CSGALNACT1: variants seen among roughly 807,000 people sequenced by gnomAD.
CSGALNACT1 encodes beta4GalNAcT-1.
A neutral mutation model predicts 51.0 loss-of-function variants in CSGALNACT1; 52 were observed. The observed-to-expected ratio is 1.02, with a 90% CI of 0.82 to 1.29. CSGALNACT1 has a LOEUF of 1.29. Among genes scored for constraint, CSGALNACT1 ranks in the 50% most tolerant of loss-of-function variants. CSGALNACT1 has a pLI of 0.00. For missense variants in CSGALNACT1, 935 were observed against 679.2 expected (o/e 1.38, Z -4.19); for synonymous variants, 341 against 254.4 (o/e 1.34, Z -3.24).
chr8:19,674,566 G>A (rs570888185), intron 1 of CSGALNACT1, among the ~76,000 whole-genome samples: 124 of 152,274 alleles, frequency 8.1e-4, no homozygotes, highest in African/African-American at 2.8e-3. Context: ...GGGCAATGGG[G>A]AGAGATGACC....
intron 3 of CSGALNACT1, among the ~76,000 whole-genome samples, chr8:19,569,575 G>T (rs973235090): frequency 6.6e-6 from 1 of 152,032 alleles, no homozygotes; most frequent in Non-Finnish European, 1.5e-5. Flanking sequence ...TTACGAGTTG[G>T]TTGTTGACAA....
chr8:19,711,955 C>G (rs2062532608), intron 1 of CSGALNACT1, among the ~76,000 whole-genome samples: 1 of 152,166 alleles, frequency 6.6e-6, no homozygotes, highest in Admixed American at 6.5e-5. Flanking sequence ...ACCCATTGGA[C>G]AGATGTGGAA....
At chr8:19,584,871 A>C (rs114379816) in intron 3 of CSGALNACT1, among the ~76,000 whole-genome samples, 2 of 152,162 alleles carry the variant, frequency 1.3e-5, no homozygotes, top group Non-Finnish European at 2.9e-5. Flanking sequence ...AGATACTCTG[A>C]AGCAAGGGAT....
chr8:19,678,527 CT>C (rs1197309658), intron 1 of CSGALNACT1: 1 of 152,142 alleles, frequency 6.6e-6, no homozygotes, highest in Non-Finnish European at 1.5e-5. Context: ...TGTAAATAGG[CT>C]CCAGGAATGT....
At chr8:19,574,194 C>T (rs943382600) in intron 3 of CSGALNACT1, among the ~76,000 whole-genome samples, 1 of 152,078 alleles carries the variant, frequency 6.6e-6, no homozygotes, top group African/African-American at 2.4e-5. Flanking sequence ...ATTACAGGCA[C>T]AAGCCACTGC....
chr8:19,464,709 G>A (rs75091825), intron 4 of CSGALNACT1, among the ~76,000 whole-genome samples: 4,577 of 152,152 alleles, frequency 0.03, 256 homozygotes, highest in African/African-American at 0.1. Flanking sequence ...TAGGGCGTAT[G>A]CTCCTTATGA....
chr8:19,420,299 G>C, intron 7 of CSGALNACT1, 41 bp downstream of exon 6: 1 of 1,601,856 alleles, frequency 6.2e-7, no homozygotes, highest in Non-Finnish European at 8.6e-7. Context: ...GGCCCGAGAG[G>C]GCTGGGGGCC....
At chr8:19,594,983 G>A (rs1207586587) in intron 2 of CSGALNACT1, among the ~76,000 whole-genome samples, 2 of 152,158 alleles carry the variant, frequency 1.3e-5, no homozygotes, top group African/African-American at 2.4e-5. Flanking sequence ...GATGATAGAA[G>A]TAGCCCTGTC....
intron 4 of CSGALNACT1, among the ~76,000 whole-genome samples, chr8:19,473,030 G>A (rs993039955): frequency 6.6e-6 from 1 of 152,138 alleles, no homozygotes; most frequent in Admixed American, 6.5e-5. Flanking sequence ...ATGTATTACT[G>A]CTCTCAGTCA....
intron 4 of CSGALNACT1, among the ~76,000 whole-genome samples, chr8:19,463,781 G>A (rs936977380): frequency 6.6e-6 from 1 of 152,088 alleles, no homozygotes; most frequent in Non-Finnish European, 1.5e-5. Flanking sequence ...TTTGAGTTTG[G>A]TGTAATTACT....
At chr8:19,638,588 T>A (rs1443516055) in intron 1 of CSGALNACT1, among the ~76,000 whole-genome samples, 1 of 152,158 alleles carries the variant, frequency 6.6e-6, no homozygotes, top group African/African-American at 2.4e-5. Flanking sequence ...ATATTTAAAA[T>A]GTATTATAAT....
chr8:19,543,155 C>A (rs2085638871), intron 3 of CSGALNACT1, among the ~76,000 whole-genome samples: 1 of 152,140 alleles, frequency 6.6e-6, no homozygotes, highest in Non-Finnish European at 1.5e-5. Flanking sequence ...TATACAGAAT[C>A]CCCAGATACT....
intron 2 of CSGALNACT1, among the ~76,000 whole-genome samples, chr8:19,595,846 A>C (rs1408971644): frequency 7.1e-6 from 1 of 141,564 alleles, no homozygotes; most frequent in African/African-American, 2.6e-5. Context: ...TCCCTTTCTC[A>C]TTTTCAGTTA....
intron 1 of CSGALNACT1, among the ~76,000 whole-genome samples, chr8:19,618,548 G>A (rs1354418604): frequency 7.0e-6 from 1 of 141,906 alleles, no homozygotes; most frequent in Non-Finnish European, 1.5e-5. Flanking sequence ...AGTGAGGCAG[G>A]AGAATCGTTT....
chr8:19,560,809 T>G (rs997197031), intron 3 of CSGALNACT1, among the ~76,000 whole-genome samples: 2 of 152,180 alleles, frequency 1.3e-5, no homozygotes, highest in African/African-American at 4.8e-5. Flanking sequence ...TCTGGGTTGA[T>G]AGAGAAAGGC....
intron 5 of CSGALNACT1, chr8:19,457,823 A>C (rs577734246): frequency 1.5e-6 from 2 of 1,350,612 alleles, no homozygotes; most frequent in Non-Finnish European, 2.0e-6. Context: ...AGGCCTGAAA[A>C]ATGAAACCCA....
At chr8:19,553,624 T>TATATATATATATAAATAC (rs2088833131) in intron 3 of CSGALNACT1, among the ~76,000 whole-genome samples, 1 of 138,466 alleles carries the variant, frequency 7.2e-6, no homozygotes, top group South Asian at 2.2e-4. Flanking sequence ...TAAATACATA[T>TATATATATATATAAATAC]ATATATATAT....
At chr8:19,477,232 C>T (rs578248805) in intron 4 of CSGALNACT1, among the ~76,000 whole-genome samples, 57 of 152,266 alleles carry the variant, frequency 3.7e-4, no homozygotes, top group East Asian at 5.8e-4. Context: ...TCCAGGCATG[C>T]GCTGGAACAT....
intron 3 of CSGALNACT1, among the ~76,000 whole-genome samples, chr8:19,515,063 C>T (rs2154022441): frequency 6.6e-6 from 1 of 152,160 alleles, no homozygotes; most frequent in South Asian, 2.1e-4. Flanking sequence ...ATTCCAGGTC[C>T]CCAGTGCCAG....
Sources: gnomAD v4.1 joint callset for allele counts (sites outside exome capture counted in the v4.1 genomes callset) on GRCh38, gnomAD v4.1.1 for gene constraint, MANE v1.5 for transcripts, NCBI Gene and HGNC (gene_info 2026-07-23, HGNC 2026-07-21) for gene names.